RNF175: variants seen among roughly 807,000 people sequenced by gnomAD.
RNF175 encodes ring finger protein 175.
RNF175 carries 38 observed loss-of-function variants against 50.0 expected under a neutral mutation model. The ratio of observed to expected loss-of-function variants is 0.76; its 90% CI spans 0.59 to 1.00. The LOEUF (loss-of-function observed/expected upper bound fraction) is 1.00, where lower values mean the gene tolerates loss of function less well. Among genes scored for constraint, RNF175 ranks in the 50% least tolerant of loss-of-function variants. RNF175 has a pLI of 0.00. For missense variants in RNF175, 388 were observed against 409.6 expected (o/e 0.95, Z 0.46); for synonymous variants, 155 against 146.1 (o/e 1.06, Z -0.44).
rs556479189 is a variant in RNF175 at position 153,737,817 on chromosome 4, G to A, written c.247-9456C>T. 9.2e-5 allele frequency among the ~76,000 whole-genome samples: 14 copies of A among 152,292 alleles called. 1 individual carries two copies. The South Asian group carries it at 2.7e-3, about 29-fold the overall frequency. On this transcript the variant is annotated intron_variant, in intron 3 of 8. Transcript: ENST00000347063. ...ATTCTATAAATATCATTTAGAGCAA[G>A]CTGATGAATGGAACTGTTCAGTCAA...
At chr4:153,722,136 G>T (rs1168317258) in intron 5 of RNF175, among the ~76,000 whole-genome samples, 1 of 152,108 alleles carries the variant, frequency 6.6e-6, no homozygotes, top group Non-Finnish European at 1.5e-5. Flanking sequence ...GAGCTATTCT[G>T]GGGGATTTGT....
rs10592509 is a variant in RNF175, at chr4:153,726,073, A to ATGTGTGTG, written c.401+2126_401+2133dup. ...CCAGCTCTTTGTGGCTAGTGTGTGT[A>ATGTGTGTG]TGTGTGTGTGTGTGTGTGTGTGTGT... On this transcript the variant is annotated intron_variant, in intron 4 of 8. Transcript: ENST00000347063. Among the ~76,000 whole-genome samples the ATGTGTGTG allele has an allele frequency of 5.9e-3, 886 of 149,038 alleles. 4 individuals carry two copies. The highest frequency in any genetic ancestry group is 0.021 in the African/African-American group (835 of 40,568).
At chr4:153,711,521 G>A (rs879453302) in intron 8 of RNF175, among the ~76,000 whole-genome samples, 11 of 152,190 alleles carry the variant, frequency 7.2e-5, no homozygotes, top group African/African-American at 2.2e-4. Context: ...TAAACCATAC[G>A]TATAGGGTTG....
intron 1 of RNF175, among the ~76,000 whole-genome samples, chr4:153,757,794 C>G (rs556949831): frequency 6.6e-6 from 1 of 152,012 alleles, no homozygotes; most frequent in Non-Finnish European, 1.5e-5. Context: ...TCAAACATAC[C>G]TAACCAGTTG....
At chr4:153,754,848 A>G (rs541743979) in intron 1 of RNF175, among the ~76,000 whole-genome samples, 1 of 152,342 alleles carries the variant, frequency 6.6e-6, no homozygotes, top group African/African-American at 2.4e-5. Context: ...AGGGGCAAGT[A>G]AGAAGTCTCC....
intron 4 of RNF175, among the ~76,000 whole-genome samples, chr4:153,727,064 A>C (rs763574967): frequency 2.0e-5 from 3 of 152,258 alleles, no homozygotes; most frequent in Admixed American, 6.5e-5. Context: ...GGATAGGCGA[A>C]CCATTCTCAT....
chr4:153,736,745 T>G (rs1739371114), intron 3 of RNF175, among the ~76,000 whole-genome samples: 1 of 152,240 alleles, frequency 6.6e-6, no homozygotes, highest in African/African-American at 2.4e-5. Context: ...TGGTATAGTT[T>G]GTGTCTTTCA....
chr4:153,742,417 A>C (rs746745970), intron 3 of RNF175, among the ~76,000 whole-genome samples: 1 of 152,234 alleles, frequency 6.6e-6, no homozygotes. Flanking sequence ...CTAGCTTTAC[A>C]AAAGTGTCCA....
At chr4:153,716,063 C>CAAAAAAAAAAAAAAA (rs35531787) in intron 6 of RNF175, among the ~76,000 whole-genome samples, 1 of 94,190 alleles carries the variant, frequency 1.1e-5, no homozygotes, top group Non-Finnish European at 2.0e-5. Context: ...GACTCTGTCT[C>CAAAAAAAAAAAAAAA]AAAAAAAAAA....
chr4:153,741,195 G>A (rs1339754330), intron 3 of RNF175, among the ~76,000 whole-genome samples: 1 of 152,204 alleles, frequency 6.6e-6, no homozygotes, highest in Non-Finnish European at 1.5e-5. Flanking sequence ...GACACAGGAA[G>A]GCTAGAGGGA....
intron 6 of RNF175, among the ~76,000 whole-genome samples, chr4:153,715,868 C>T (rs1275827754): frequency 2.6e-5 from 4 of 151,814 alleles, no homozygotes; most frequent in African/African-American, 9.7e-5. Flanking sequence ...TCGAGACCAG[C>T]GTGGCCAACG....
At chr4:153,712,798 CCTT>C (rs1379228788) in intron 7 of RNF175, among the ~76,000 whole-genome samples, 11 of 152,110 alleles carry the variant, frequency 7.2e-5, no homozygotes, top group Admixed American at 6.5e-4. Flanking sequence ...AGCTTCTTGG[CCTT>C]CTTGCCTCAC....
intron 1 of RNF175, among the ~76,000 whole-genome samples, chr4:153,759,472 G>C (rs1315161208): frequency 6.6e-6 from 1 of 152,238 alleles, no homozygotes; most frequent in Non-Finnish European, 1.5e-5. Context: ...TCACAAAGGA[G>C]GGCGGGAGTG....
chr4:153,756,388 C>T (rs1056501599), intron 1 of RNF175, among the ~76,000 whole-genome samples: 1 of 152,122 alleles, frequency 6.6e-6, no homozygotes, highest in South Asian at 2.1e-4. Flanking sequence ...TTGTTTCCCC[C>T]CAAGCTGCTC....
intron 4 of RNF175, among the ~76,000 whole-genome samples, chr4:153,727,127 C>A (rs1182208745): frequency 1.3e-5 from 2 of 152,154 alleles, no homozygotes. Context: ...CATTTTGATT[C>A]ATCCCAAACT....
chr4:153,734,163 A>G (rs1739205027), intron 3 of RNF175, among the ~76,000 whole-genome samples: 1 of 152,212 alleles, frequency 6.6e-6, no homozygotes, highest in Non-Finnish European at 1.5e-5. Flanking sequence ...TGCTGTAAAT[A>G]TTTGCATGCA....
chr4:153,728,986 A>C (rs1480245657), intron 3 of RNF175, among the ~76,000 whole-genome samples: 1 of 152,200 alleles, frequency 6.6e-6, no homozygotes, highest in African/African-American at 2.4e-5. Context: ...GAGTCCAAGT[A>C]GCCTTCAGAG....
At chr4:153,716,706 G>T (rs1737954765) in intron 6 of RNF175, among the ~76,000 whole-genome samples, 4 of 152,162 alleles carry the variant, frequency 2.6e-5, no homozygotes, top group African/African-American at 9.7e-5. Flanking sequence ...ACATTTGTGG[G>T]CAAGTCAGAA....
chr4:153,732,246 A>G (rs1013244384), intron 3 of RNF175, among the ~76,000 whole-genome samples: 10 of 151,966 alleles, frequency 6.6e-5, no homozygotes, highest in Non-Finnish European at 1.5e-4. Context: ...AAAAAAAACA[A>G]AAACAAAAAA....
Sources: allele counts gnomAD v4.1 joint callset (sites outside exome capture counted in the v4.1 genomes callset), GRCh38; gene constraint gnomAD v4.1.1; transcripts MANE v1.5; gene names NCBI Gene and HGNC (gene_info 2026-07-23, HGNC 2026-07-21).